Variants in POLN observed in about 807,000 individuals in gnomAD.
The protein encoded by POLN is DNA polymerase N.
POLN carries 108 observed loss-of-function variants against 113.5 expected under a neutral mutation model. The ratio of observed to expected loss-of-function variants is 0.95; its 90% CI spans 0.81 to 1.12. The LOEUF is 1.12. Among genes scored for constraint, POLN ranks in the 50% most tolerant of loss-of-function variants. The pLI is 0.00. For missense variants in POLN, 1,097 were observed against 1,077.1 expected, an observed-to-expected ratio of 1.02 and a Z score of -0.26; for synonymous variants, 386 against 391.5, an observed-to-expected ratio of 0.99 and a Z score of 0.17.
intron 13 of POLN, among the ~76,000 whole-genome samples, chr4:2,164,829 A>G (rs950338202): frequency 1.4e-5 from 2 of 139,022 alleles, no homozygotes; most frequent in Non-Finnish European, 3.1e-5. Context: ...AAAAAAAAAA[A>G]AAAAAAAAAA....
chr4:2,149,781 T>G (rs1732243580), intron 16 of POLN, among the ~76,000 whole-genome samples: 1 of 147,544 alleles, frequency 6.8e-6, no homozygotes, highest in Non-Finnish European at 1.5e-5. Flanking sequence ...GTGAGACCTG[T>G]GTCTAAAAAG....
chr4:2,072,846 C>A, intron 25 of POLN, 122 bp downstream of exon 25: 1 of 1,006,308 alleles, frequency 9.9e-7, no homozygotes, highest in Non-Finnish European at 1.5e-6. Flanking sequence ...GCTGTGCCTG[C>A]TGTGGAGTGG....
intron 2 of POLN, among the ~76,000 whole-genome samples, chr4:2,238,445 GA>G (rs35945583): frequency 0.091 from 12,547 of 137,480 alleles, 781 homozygotes; most frequent in African/African-American, 0.18. Flanking sequence ...AACTAAAAAT[GA>G]AAAAAAAAAG....
At chr4:2,188,429 T>C (rs1733336599) in intron 7 of POLN, among the ~76,000 whole-genome samples, 1 of 151,814 alleles carries the variant, frequency 6.6e-6, no homozygotes, top group South Asian at 2.1e-4. Context: ...TGAAACCCCA[T>C]CTCTACTAAA....
At chr4:2,116,930 G>A (rs1235860095) in intron 19 of POLN, among the ~76,000 whole-genome samples, 1 of 152,184 alleles carries the variant, frequency 6.6e-6, no homozygotes, top group Admixed American at 6.5e-5. Context: ...AGTGGGATTT[G>A]ATTTCATTTT....
At chr4:2,207,959 G>C in intron 5 of POLN, 28 bp downstream of exon 5, 1 of 1,552,962 alleles carries the variant, frequency 6.4e-7, no homozygotes. Flanking sequence ...TGTCAAGACA[G>C]CAAATAAAAA....
rs751433009 is a variant in POLN, at chr4:2,072,950, G to T, written c.2517+18C>A. The T allele has an allele frequency of 6.2e-7, 1 of 1,612,198 alleles. No homozygotes were observed. The highest frequency in any genetic ancestry group is 8.5e-7 in the Non-Finnish European group (1 of 1,179,656). On this transcript the variant is annotated intron_variant, in intron 25 of 25. Transcript: ENST00000511885. ...CCCTGGGCTCCGGAAGACCGGGCAGGCTTAAGTGTCCCCTCACCTGAAGCT... is the reference window on the plus strand; with the variant it reads ...CCCTGGGCTCCGGAAGACCGGGCAGTCTTAAGTGTCCCCTCACCTGAAGCT...
At chr4:2,193,379 ATAT>A (rs781201204) in intron 6 of POLN, 63 bp from the exon 7 acceptor site, 48 of 1,060,024 alleles carry the variant, frequency 4.5e-5, no homozygotes, top group Non-Finnish European at 6.5e-5. Context: ...CCTTGGAAAA[ATAT>A]TATTACTACT....
chr4:2,207,213 A>G (rs1307919516), intron 5 of POLN, among the ~76,000 whole-genome samples: 2 of 152,198 alleles, frequency 1.3e-5, no homozygotes, highest in African/African-American at 4.8e-5. Context: ...ATGCAAAGGC[A>G]TAAGAATGAC....
chr4:2,231,948 C>T, intron 2 of POLN: 1 of 1,394,682 alleles, frequency 7.2e-7, no homozygotes, highest in Middle Eastern at 1.8e-4. Flanking sequence ...GACTAACAGC[C>T]TTAATCTTTG....
chr4:2,192,214 G>C (rs1733468849), intron 7 of POLN, among the ~76,000 whole-genome samples: 1 of 151,584 alleles, frequency 6.6e-6, no homozygotes, highest in Non-Finnish European at 1.5e-5. Flanking sequence ...AATAAAAAGG[G>C]CTTTTTCCAA....
In POLN at chr4:2,201,683, T is replaced by C. The variant is rs190974667; in HGVS notation, c.715-2966A>G. 1.9e-3 allele frequency among the ~76,000 whole-genome samples: 287 copies of C among 152,230 alleles called. 6 individuals carry two copies. The highest frequency in any genetic ancestry group is 0.016 in the Admixed American group (240 of 15,296). ...CTTGCTAGAGACCTAGACATCCAAA[T>C]ACAAGAAGCTCAAAGAACACCTGGG... On this transcript the variant is annotated intron_variant, in intron 5 of 25. Transcript: ENST00000511885.
intron 16 of POLN, among the ~76,000 whole-genome samples, chr4:2,152,088 G>A (rs1175740363): frequency 6.7e-6 from 1 of 149,622 alleles, no homozygotes; most frequent in African/African-American, 2.5e-5. Context: ...CTAGAGTGCA[G>A]TGGTATCATC....
intron 19 of POLN, among the ~76,000 whole-genome samples, chr4:2,114,631 CAT>C (rs1374800879): frequency 1.3e-5 from 2 of 152,316 alleles, no homozygotes; most frequent in African/African-American, 4.8e-5. Context: ...TTTGTATACA[CAT>C]GATGTGTCTT....
Position 2,208,148 on chromosome 4 carries a change from G to A in POLN, c.553C>T (p.Leu185=). ...AATGCTCCTGAGTTCCCAGAATTTAGGTAGCCTTCGGCGTCATCAGTATCT... is the reference window on the plus strand; with the variant it reads ...AATGCTCCTGAGTTCCCAGAATTTAAGTAGCCTTCGGCGTCATCAGTATCT... ...EEDTDDAEGY[L]NSGNSGALKK... is the part of the protein sequence containing the mutation. The change falls in exon 5 of 26, where the codon CTA becomes TTA. Residue 185 remains leucine, a synonymous_variant. Coordinates refer to ENST00000511885, the MANE Select transcript of POLN (RefSeq NM_181808.4). 2 of 1,614,106 alleles carry A rather than the reference G, an allele frequency of 1.2e-6. No individual in the cohort carries two copies. The highest frequency in any genetic ancestry group is 1.3e-5 in the African/African-American group (1 of 75,026).
intron 6 of POLN, among the ~76,000 whole-genome samples, chr4:2,197,138 A>C (rs1270721714): frequency 6.6e-6 from 1 of 152,184 alleles, no homozygotes; most frequent in Non-Finnish European, 1.5e-5. Context: ...CCTCAGAGTG[A>C]AGCACGAGCT....
At chr4:2,137,601 CCTG>C (rs1437186188) in intron 16 of POLN, among the ~76,000 whole-genome samples, 36 of 152,266 alleles carry the variant, frequency 2.4e-4, no homozygotes, top group African/African-American at 8.7e-4. Flanking sequence ...GCCCCCTCTG[CCTG>C]CTCCTCCTGA....
At chr4:2,123,907 C>T (rs1731513721) in intron 19 of POLN, among the ~76,000 whole-genome samples, 1 of 151,912 alleles carries the variant, frequency 6.6e-6, no homozygotes, top group Non-Finnish European at 1.5e-5. Context: ...ACCCAAATGT[C>T]CATCAAAGGA....
chr4:2,222,259 C>A (rs1004604305), intron 3 of POLN, among the ~76,000 whole-genome samples: 1 of 151,998 alleles, frequency 6.6e-6, no homozygotes, highest in Non-Finnish European at 1.5e-5. Flanking sequence ...TTCCTCAGAT[C>A]AAGACCTTAA....
Sources: allele counts gnomAD v4.1 joint callset (sites outside exome capture counted in the v4.1 genomes callset), GRCh38; gene constraint gnomAD v4.1.1; transcripts MANE v1.5; gene names NCBI Gene and HGNC (gene_info 2026-07-23, HGNC 2026-07-21).